ZNF227: variants seen among roughly 807,000 people sequenced by gnomAD.
ZNF227 encodes zinc finger protein 227.
In ZNF227, 12 loss-of-function variants were observed where a neutral mutation model predicts 13.2. That is an observed-to-expected ratio of 0.91 (90% CI 0.58 to 1.47). The LOEUF is 1.47. Among genes scored for constraint, ZNF227 ranks in the 40% most tolerant of loss-of-function variants. The pLI is 0.00. For missense variants in ZNF227, 885 were observed against 967.5 expected, an observed-to-expected ratio of 0.91 and a Z score of 1.13; for synonymous variants, 338 against 326.0, an observed-to-expected ratio of 1.04 and a Z score of -0.40.
Position 44,235,401 on chromosome 19 carries a change from A to C in ZNF227, c.971A>C (p.Tyr324Ser). ...YQSNHTGEKS[Y>S]RCDSCGKGFS... ...TCTAATCATACAGGAGAGAAGTCTT[A>C]TAGATGCGACAGTTGCGGCAAGGGA... is the stretch of plus-strand genomic sequence containing the variant. Residue 324 changes from tyrosine to serine, a missense_variant, in exon 6 of 6, where the codon TAT (tyrosine) becomes TCT (serine). Tyr to Ser is a moderately radical substitution (Grantham distance 144). Coordinates refer to ENST00000313040, the MANE Select transcript of ZNF227 (RefSeq NM_182490.3). 1 of 1,614,202 alleles carries C rather than the reference A, an allele frequency of 6.2e-7. No individual in the cohort carries two copies. The highest frequency in any genetic ancestry group is 8.5e-7 in the Non-Finnish European group (1 of 1,180,034).
chr19:44,215,034 T>G lies in ZNF227; in HGVS notation c.-3+1790T>G, dbSNP rs560135556. ...GAGAATGTAACTAATGCCTCATGAT[T>G]TGAGGTGGAACCTATCATCCCCAAA... On this transcript the variant is annotated intron_variant, in intron 2 of 5. Coordinates refer to ENST00000313040, the MANE Select transcript of ZNF227 (RefSeq NM_182490.3). Among the ~76,000 whole-genome samples, 9 of 152,202 alleles carry G rather than the reference T, an allele frequency of 5.9e-5. No individual in the cohort carries two copies. In the East Asian group the frequency reaches 1.7e-3, roughly 29 times the overall value.
At chr19:44,220,239 T>C (rs1972341498) in intron 3 of ZNF227, among the ~76,000 whole-genome samples, 1 of 152,196 alleles carries the variant, frequency 6.6e-6, no homozygotes, top group Non-Finnish European at 1.5e-5. Context: ...AGAATTAACA[T>C]ATGTGTGCAT....
Position 44,215,169 on chromosome 19 carries a change from GTTTTT to G in ZNF227, c.-3+1937_-3+1941del, listed in dbSNP as rs35264039. Among the ~76,000 whole-genome samples the G allele has an allele frequency of 4.3e-5, 6 of 137,938 alleles. No individual in the cohort carries two copies. In the East Asian group the frequency reaches 1.1e-3, roughly 25 times the overall value. The allele number at this position is 137,938 out of a possible 152,430, so 90.5% of individuals were successfully genotyped here. A position where few individuals can be genotyped will look rare whatever the true frequency, so the allele number is the denominator to read the frequency against. On this transcript the variant is annotated intron_variant, in intron 2 of 5. Transcript: ENST00000313040. ...AAAGCATACGCCAGACATCAGGTCA[GTTTTT>G]TTTTTTTTTTTGAAACGGAGTCTCG...
rs1308657975 is a variant in ZNF227 at position 44,222,975 on chromosome 19, G to C, written c.60+5123G>C. Among the ~76,000 whole-genome samples the C allele has an allele frequency of 2.6e-3, 396 of 151,412 alleles. 1 individual carries two copies. Among genetic ancestry groups the C allele is most frequent in the African/African-American group, 8.9e-3 (366 of 41,132 alleles). ...TTTATTGAGAGTTTTTAGCATGAAGGGTTGTTGAATTTTGTCAAAGGCCTT... is the reference window on the plus strand; with the variant it reads ...TTTATTGAGAGTTTTTAGCATGAAGCGTTGTTGAATTTTGTCAAAGGCCTT... On this transcript the variant is annotated intron_variant, in intron 3 of 5. Transcript: ENST00000313040.
At chr19:44,230,926 A>ATATATAT (rs1315206035) in intron 5 of ZNF227, among the ~76,000 whole-genome samples, 1 of 68,112 alleles carries the variant, frequency 1.5e-5, no homozygotes, top group Non-Finnish European at 2.3e-5. Flanking sequence ...AAAAAAAAAA[A>ATATATAT]ATATATATAT....
At chr19:44,228,388 C>G in intron 3 of ZNF227, 58 bp from the exon 4 acceptor site, 3 of 1,564,262 alleles carry the variant, frequency 1.9e-6, no homozygotes, top group Non-Finnish European at 2.6e-6. Flanking sequence ...CTTGATGCCA[C>G]CCTTCTTCTA....
At chr19:44,221,753 G>A (rs1214622666) in intron 3 of ZNF227, among the ~76,000 whole-genome samples, 1 of 152,138 alleles carries the variant, frequency 6.6e-6, no homozygotes, top group Non-Finnish European at 1.5e-5. Flanking sequence ...CTGTGCAGAA[G>A]CTCTTTAGTT....
rs774106289 is a variant in ZNF227 at position 44,235,331 on chromosome 19, G to A, written c.901G>A (p.Glu301Lys). 3 of 1,614,200 alleles carry A rather than the reference G, an allele frequency of 1.9e-6. No homozygotes were observed. The highest frequency in any genetic ancestry group is 2.5e-6 in the Non-Finnish European group (3 of 1,180,040). ...HPGEKLNRCHESGDCFNKSSF... is the reference protein window; with the variant it reads ...HPGEKLNRCHKSGDCFNKSSF... ...AGGAGAGAAACTCAATAGATGTCAT[G>A]AATCTGGTGATTGCTTCAATAAGAG... Residue 301 changes from glutamate to lysine, a missense_variant, in exon 6 of 6, where the codon GAA (glutamate) becomes AAA (lysine). Glu to Lys is a moderately conservative substitution (Grantham distance 56). Transcript: ENST00000313040.
chr19:44,226,949 C>T (rs1026672357), intron 3 of ZNF227, among the ~76,000 whole-genome samples: 1 of 152,196 alleles, frequency 6.6e-6, no homozygotes, highest in East Asian at 1.9e-4. Context: ...AGTAAATATT[C>T]TATGACTTTG....
chr19:44,225,906 T>C (rs1449299310), intron 3 of ZNF227, among the ~76,000 whole-genome samples: 1 of 152,186 alleles, frequency 6.6e-6, no homozygotes, highest in African/African-American at 2.4e-5. Context: ...TATCTAGTTT[T>C]GGTCTTTGAT....
intron 2 of ZNF227, among the ~76,000 whole-genome samples, chr19:44,214,535 T>G (rs899192369): frequency 5.9e-5 from 9 of 151,938 alleles, no homozygotes; most frequent in African/African-American, 1.2e-4. Flanking sequence ...GCGCCATCAC[T>G]CCCAGCTAAT....
In ZNF227 at chr19:44,236,155, A is replaced by G. The variant is rs772420505; in HGVS notation, c.1725A>G (p.Pro575=). The G allele has an allele frequency of 6.8e-6, 11 of 1,613,778 alleles. No homozygotes were observed. Among genetic ancestry groups the G allele is most frequent in the South Asian group, 1.1e-5 (1 of 91,064 alleles). The change falls in exon 6 of 6, where the codon CCA becomes CCG. Residue 575 remains proline (P), a synonymous_variant. Coordinates refer to ENST00000313040, the MANE Select transcript of ZNF227 (RefSeq NM_182490.3). Reference sequence around the variant, plus strand: ...AAGTAATTCACACTGGAGAAAAACCATATAAATGTGAGGAATGTGGGAAGG... The same window carrying G: ...AAGTAATTCACACTGGAGAAAAACCGTATAAATGTGAGGAATGTGGGAAGG... ...LHQVIHTGEK[P]YKCEECGKGF...
intron 3 of ZNF227, among the ~76,000 whole-genome samples, chr19:44,226,116 G>A (rs1973118157): frequency 6.6e-6 from 1 of 152,190 alleles, no homozygotes; most frequent in Admixed American, 6.5e-5. Flanking sequence ...ATCTGCAAAT[G>A]CTGCTGCCTG....
At position 44,235,691 on chromosome 19, in the gene ZNF227, GCACATTTT is replaced by G. The variant is rs759130485; in HGVS notation, c.1267_1274del (p.Phe423ProfsTer14). 2 of 1,613,446 alleles carry G rather than the reference GCACATTTT, an allele frequency of 1.2e-6. No individual in the cohort carries two copies. The highest frequency in any genetic ancestry group is 2.2e-5 in the South Asian group (2 of 91,038). On this transcript the variant is annotated frameshift_variant, in exon 6 of 6. Transcript: ENST00000313040. LOFTEE classifies it low-confidence loss of function (END_TRUNC). ...ATGTGGTAAGGGCTTCACTCAGGCT[GCACATTTT>G]CACATCCATCAGAGAGTCCACACTG...
rs367788625 is a variant in ZNF227, at chr19:44,220,928, G to A, written c.60+3076G>A. 9.9e-5 allele frequency among the ~76,000 whole-genome samples: 15 copies of A among 151,972 alleles called. No individual in the cohort carries two copies. The East Asian group carries it at 1.4e-3, about 14-fold the overall frequency. On this transcript the variant is annotated intron_variant, in intron 3 of 5. Transcript: ENST00000313040. Reference sequence around the variant, plus strand: ...GTGGTGTTTGGTTTTTCGTCCTTGCGATAGTACTGAGAATGATGATTTCCA... The same window carrying A: ...GTGGTGTTTGGTTTTTCGTCCTTGCAATAGTACTGAGAATGATGATTTCCA...
At chr19:44,232,995 A>G (rs1261988510) in intron 5 of ZNF227, among the ~76,000 whole-genome samples, 1 of 151,902 alleles carries the variant, frequency 6.6e-6, no homozygotes, top group African/African-American at 2.4e-5. Context: ...TGCCATGTAC[A>G]TTAACTATTC....
upstream of ZNF227, chr19:44,212,470 A>C (rs1971430111): frequency 6.6e-6 from 1 of 151,140 alleles, no homozygotes; most frequent in Non-Finnish European, 1.5e-5. Context: ...TCTGTCCGGA[A>C]ACAATTGGGC....
rs1260711882 is a variant in ZNF227 at position 44,228,590 on chromosome 19, C to G, written c.187+18C>G. The G allele has an allele frequency of 2.5e-6, 4 of 1,593,970 alleles. No homozygotes were observed. The highest frequency in any genetic ancestry group is 3.4e-6 in the Non-Finnish European group (4 of 1,172,422). On this transcript the variant is annotated intron_variant, in intron 4 of 5. Coordinates refer to ENST00000313040, the MANE Select transcript of ZNF227 (RefSeq NM_182490.3). ...TGCAGTGGGTGAGGACAGGCACTCT[C>G]TGACCCTGAACTTCAGTTCCCTTGA... is the stretch of plus-strand genomic sequence containing the variant.
Position 44,236,922 on chromosome 19 carries a change from A to G in ZNF227, c.*92A>G, listed in dbSNP as rs1213661014. The G allele has an allele frequency of 3.0e-6, 3 of 1,010,138 alleles. No individual in the cohort carries two copies. Among genetic ancestry groups the G allele is most frequent in the East Asian group, 2.5e-5 (1 of 39,540 alleles). 62.6% of individuals were successfully genotyped at this position (1,010,138 alleles called of 1,614,324 possible). A position where few individuals can be genotyped will look rare whatever the true frequency, so the allele number is the denominator to read the frequency against. On this transcript the variant is annotated 3_prime_UTR_variant, in exon 6 of 6. Transcript: ENST00000313040. ...GGTGGTAAACCCTGTAAAACTACTG[A>G]GAGTGGAAGGGGGTTTGTTCACACT... is the stretch of plus-strand genomic sequence containing the variant.
Sources: gnomAD v4.1 joint callset for allele counts (sites outside exome capture counted in the v4.1 genomes callset) on GRCh38, gnomAD v4.1.1 for gene constraint, MANE v1.5 for transcripts, NCBI Gene and HGNC (gene_info 2026-07-23, HGNC 2026-07-21) for gene names.